The following WNK1 variants were observed in gnomAD, a reference collection of about 807,000 sequenced individuals.
WNK1 encodes the protein serine/threonine-protein kinase WNK1.
In WNK1, 38 loss-of-function variants were observed where a neutral mutation model predicts 222.8. The observed-to-expected ratio is 0.17, with a 90% CI of 0.13 to 0.22. The LOEUF (loss-of-function observed/expected upper bound fraction) is 0.22. Among genes scored for constraint, WNK1 ranks in the 10% least tolerant of loss-of-function variants. WNK1 has a pLI of 1.00. For missense variants in WNK1, 2,348 were observed against 2,918.4 expected, an observed-to-expected ratio of 0.80 and a Z score of 4.50; for synonymous variants, 1,090 against 1,092.9, an observed-to-expected ratio of 1.00 and a Z score of 0.05.
chr12:883,666 C>G, intron 16 of WNK1, 98 bp downstream of exon 16: 1 of 1,589,502 alleles, frequency 6.3e-7, no homozygotes, highest in Non-Finnish European at 8.6e-7. Flanking sequence ...CACCTGACAC[C>G]CATGACCGAC....
intron 4 of WNK1, among the ~76,000 whole-genome samples, chr12:840,291 CTTTTTT>C (rs71441622): frequency 1.1e-3 from 135 of 128,376 alleles, no homozygotes; most frequent in East Asian, 5.0e-3. Flanking sequence ...CCATGTCCAG[CTTTTTT>C]TTTTTTTTTT....
intron 9 of WNK1, among the ~76,000 whole-genome samples, chr12:874,172 G>A (rs1029214417): frequency 6.6e-6 from 1 of 150,962 alleles, no homozygotes; most frequent in East Asian, 1.9e-4. Context: ...AAAAAGCACC[G>A]AAGTTGTGAA....
intron 3 of WNK1, among the ~76,000 whole-genome samples, chr12:829,422 G>A (rs1284956245): frequency 2.0e-5 from 3 of 152,060 alleles, no homozygotes; most frequent in Non-Finnish European, 4.4e-5. Flanking sequence ...AGACAATTAC[G>A]TTTTATTTCA....
chr12:857,339 A>G, intron 5 of WNK1, 90 bp downstream of exon 5: 1 of 1,162,570 alleles, frequency 8.6e-7, no homozygotes. Context: ...CGGTGTATTT[A>G]ATATTTGTGA....
rs764388246 is a variant in WNK1 at position 880,729 on chromosome 12, A to G, written c.2841A>G (p.Pro947=). Residue 947 remains proline, a synonymous_variant, in exon 12 of 28, where the codon CCA becomes CCG. Coordinates refer to ENST00000315939, the MANE Select transcript of WNK1 (RefSeq NM_018979.4). ...CCTCATTTCTGTCACAGGGCTTCCC[A>G]CCTCGACTGCCACCACAGTACCCAG... The part of the protein sequence containing the change: ...SSGDVLYQGF[P]PRLPPQYPGD... 1.2e-6 allele frequency: 2 copies of G among 1,610,896 alleles called. No homozygotes were observed. The highest frequency in any genetic ancestry group is 1.1e-5 in the South Asian group (1 of 90,986).
In WNK1 at chr12:879,693, C is replaced by G. The variant is rs748416681; in HGVS notation, c.2494C>G (p.Pro832Ala). 1.5e-5 allele frequency: 25 copies of G among 1,613,790 alleles called. No individual in the cohort carries two copies. The highest frequency in any genetic ancestry group is 1.0e-4 in the Admixed American group (6 of 59,958). ...TTTCCTTCCAGTGGGACAGCCGCTC[C>G]CTACTCCCTTGCTCCCTCAGTACCC... Reference protein sequence around the residue: ...AHFLPVGQPLPTPLLPQYPVS... With the variant: ...AHFLPVGQPLATPLLPQYPVS... The change falls in exon 11 of 28, where the codon CCT (proline) becomes GCT (alanine). Residue 832 changes from proline (P) to alanine (A), a missense_variant. Physicochemically the swap from Pro to Ala is conservative, Grantham distance 27. Transcript: ENST00000315939.
chr12:797,485 TACA>T (rs979373666), intron 1 of WNK1, among the ~76,000 whole-genome samples: 1 of 152,242 alleles, frequency 6.6e-6, no homozygotes, highest in African/African-American at 2.4e-5. Context: ...ATCGTAATAA[TACA>T]GCAGCAATCC....
chr12:783,317 C>G (rs1407197051), intron 1 of WNK1, among the ~76,000 whole-genome samples: 1 of 152,086 alleles, frequency 6.6e-6, no homozygotes, highest in Non-Finnish European at 1.5e-5. Flanking sequence ...CTTAACATAT[C>G]TCGGTTCACA....
At chr12:776,302 GGGAT>G (rs1448179324) in intron 1 of WNK1, among the ~76,000 whole-genome samples, 2 of 152,150 alleles carry the variant, frequency 1.3e-5, no homozygotes, top group East Asian at 3.8e-4. Context: ...CCAACGTGCT[GGGAT>G]TACAGGTGTG....
Position 879,756 on chromosome 12 carries a change from A to G in WNK1, c.2557A>G (p.Thr853Ala), listed in dbSNP as rs752785162. 25 of 1,613,738 alleles carry G rather than the reference A, an allele frequency of 1.5e-5. No individual in the cohort carries two copies. The highest frequency in any genetic ancestry group is 1.6e-4 in the Middle Eastern group (1 of 6,062). ...TCCCATATCAACTCCTCATGTGTCTACGGCTCAGACAGGTTTCTCATCCCT... is the reference window on the plus strand; with the variant it reads ...TCCCATATCAACTCCTCATGTGTCTGCGGCTCAGACAGGTTTCTCATCCCT... The part of the protein sequence containing the change: ...QIPISTPHVS[T>A]AQTGFSSLPI... Residue 853 changes from threonine (T) to alanine (A), a missense_variant, in exon 11 of 28, where the codon ACG (threonine) becomes GCG (alanine). This residue lies in a region of WNK1 where 547 missense variants were observed against 558.3 expected (regional missense o/e 0.98). Coordinates refer to ENST00000315939, the MANE Select transcript of WNK1 (RefSeq NM_018979.4).
chr12:874,403 A>T (rs1437438533), intron 9 of WNK1, among the ~76,000 whole-genome samples: 1 of 152,206 alleles, frequency 6.6e-6, no homozygotes, highest in Admixed American at 6.5e-5. Context: ...ACCGTTAGCC[A>T]TTGTAAACAA....
chr12:794,055 G>A lies in WNK1; in HGVS notation c.760-19587G>A, dbSNP rs114138077. Among the ~76,000 whole-genome samples the A allele has an allele frequency of 1.7e-3, 258 of 152,148 alleles. 3 individuals are homozygous for A. Among genetic ancestry groups the A allele is most frequent in the African/African-American group, 6.0e-3 (250 of 41,508 alleles). ...ACTGGCTTTTTTCACTCAGTGTAAT[G>A]TTTTTAATGTTCATCCATGTTATAG... On this transcript the variant is annotated intron_variant, in intron 1 of 27. Transcript: ENST00000315939.
chr12:795,883 T>A (rs1273909235), intron 1 of WNK1, among the ~76,000 whole-genome samples: 2 of 152,128 alleles, frequency 1.3e-5, no homozygotes, highest in Non-Finnish European at 2.9e-5. Flanking sequence ...AACAAGTATC[T>A]TCTTTTCTCC....
chr12:871,067 A>G (rs1026459719), intron 8 of WNK1, among the ~76,000 whole-genome samples, 198 bp from the exon 9 acceptor site: 16 of 152,240 alleles, frequency 1.1e-4, no homozygotes, highest in African/African-American at 3.9e-4. Flanking sequence ...TGGGATCAGA[A>G]CATGTTGTGT....
At chr12:848,461 A>G (rs1950183336) in intron 4 of WNK1, among the ~76,000 whole-genome samples, 1 of 150,242 alleles carries the variant, frequency 6.7e-6, no homozygotes, top group African/African-American at 2.4e-5. Context: ...ATACAAAAAC[A>G]ATGACTTGTG....
chr12:841,897 C>G (rs146130237), intron 4 of WNK1, among the ~76,000 whole-genome samples: 8 of 152,288 alleles, frequency 5.3e-5, no homozygotes, highest in African/African-American at 1.9e-4. Flanking sequence ...CTCCCAAAGA[C>G]CTTCACCTCT....
At chr12:857,290 C>T in intron 5 of WNK1, 41 bp downstream of exon 5, 3 of 1,545,182 alleles carry the variant, frequency 1.9e-6, no homozygotes, top group Non-Finnish European at 2.7e-6. Context: ...TTGAACAAAA[C>T]CTAAAAAGTA....
At chr12:854,208 A>G (rs1950602976) in intron 4 of WNK1, among the ~76,000 whole-genome samples, 1 of 151,760 alleles carries the variant, frequency 6.6e-6, no homozygotes, top group Non-Finnish European at 1.5e-5. Flanking sequence ...TTTCTCCAAA[A>G]AGACAAAAAA....
chr12:841,752 A>G (rs891296181), intron 4 of WNK1, among the ~76,000 whole-genome samples: 6 of 152,218 alleles, frequency 3.9e-5, no homozygotes, highest in African/African-American at 1.4e-4. Flanking sequence ...TCTGTTCCTC[A>G]TAGACCGGAC....
Sources: allele counts gnomAD v4.1 joint callset (sites outside exome capture counted in the v4.1 genomes callset), GRCh38; gene constraint gnomAD v4.1.1; regional missense constraint gnomAD v4.1.1; transcripts MANE v1.5; gene names NCBI Gene and HGNC (gene_info 2026-07-23, HGNC 2026-07-21).